LTBP2: variants seen among roughly 807,000 people sequenced by gnomAD.
The protein encoded by LTBP2 is latent-transforming growth factor beta-binding protein 2.
A neutral mutation model predicts 210.6 loss-of-function variants in LTBP2; 103 were observed. The ratio of observed to expected loss-of-function variants is 0.49; its 90% CI spans 0.42 to 0.58. The LOEUF (loss-of-function observed/expected upper bound fraction) is 0.58. Among genes scored for constraint, LTBP2 ranks in the 20% least tolerant of loss-of-function variants. The probability of loss-of-function intolerance (pLI) is 0.00; values close to 1 mark genes in which losing one functional copy is unlikely to be tolerated. For missense variants in LTBP2, 2,313 were observed against 2,494.5 expected (o/e 0.93, Z 1.55); for synonymous variants, 1,007 against 1,015.0 (o/e 0.99, Z 0.15).
rs952864788 is a variant in LTBP2, at chr14:74,603,778, T to G, written c.495-73A>C. 7.1e-6 allele frequency: 9 copies of G among 1,264,126 alleles called. No individual in the cohort carries two copies. In the South Asian group the frequency reaches 8.4e-5, roughly 12 times the overall value. The allele number at this position is 1,264,126 out of a possible 1,614,324, so 78.3% of individuals were successfully genotyped here. On this transcript the variant is annotated intron_variant, in intron 1 of 35. Transcript: ENST00000261978. The stretch of plus-strand genomic sequence containing the variant: ...GGACTATTCACAGCCCCTCCGACAG[T>G]CCCACCTTCTAGAGGCAGGGCCTGG...
intron 8 of LTBP2, among the ~76,000 whole-genome samples, chr14:74,548,635 T>C (rs568800141): frequency 1.3e-5 from 2 of 152,368 alleles, no homozygotes; most frequent in Non-Finnish European, 2.9e-5. Flanking sequence ...GGCAGTTTGA[T>C]GCACATCTCC....
chr14:74,590,000 C>A (rs2088259798), intron 2 of LTBP2, among the ~76,000 whole-genome samples: 1 of 152,174 alleles, frequency 6.6e-6, no homozygotes, highest in African/African-American at 2.4e-5. Context: ...GCCCATCCTT[C>A]ACATTAACAA....
Position 74,498,457 on chromosome 14 carries a change from A to C in LTBP2, c.*2427T>G, listed in dbSNP as rs2086874752. The C allele has an allele frequency of 4.7e-6, 1 of 212,562 alleles. No homozygotes were observed. The highest frequency in any genetic ancestry group is 9.5e-6 in the Non-Finnish European group (1 of 104,948). The allele number at this position is 212,562 out of a possible 1,614,324, so 13.2% of individuals were successfully genotyped here. A position where few individuals can be genotyped will look rare whatever the true frequency, so the allele number is the denominator to read the frequency against. The stretch of plus-strand genomic sequence containing the variant: ...TCTGTCAGTGAGGGACTGATTAAAT[A>C]AATTATGGTTTATCCATTCAATGGA... On this transcript the variant is annotated 3_prime_UTR_variant, in exon 36 of 36. Coordinates refer to ENST00000261978, the MANE Select transcript of LTBP2 (RefSeq NM_000428.3).
chr14:74,527,345 A>C lies in LTBP2; in HGVS notation c.2388+2T>G. 1 of 1,611,106 alleles carries C rather than the reference A, an allele frequency of 6.2e-7. No homozygotes were observed. Among genetic ancestry groups the C allele is most frequent in the South Asian group, 1.1e-5 (1 of 90,304 alleles). The stretch of plus-strand genomic sequence containing the variant: ...GGCCCCCTAGTGGGAGGACGCACTC[A>C]CCTGGCCAGCCTGAGAGTCACCTGG... On this transcript the variant is annotated splice_donor_variant, in intron 13 of 35. Transcript: ENST00000261978. LOFTEE classifies it high-confidence loss of function.
chr14:74,503,163 C>T, intron 33 of LTBP2, 56 bp downstream of exon 33: 1 of 1,601,632 alleles, frequency 6.2e-7, no homozygotes, highest in East Asian at 2.2e-5. Context: ...GTGAGGGCAT[C>T]CCCCTCCCTG....
chr14:74,528,401 G>A, intron 12 of LTBP2, 82 bp downstream of exon 12: 4 of 1,505,854 alleles, frequency 2.7e-6, no homozygotes, highest in Non-Finnish European at 3.7e-6. Context: ...CAGGGACCCA[G>A]GATTAACACC....
intron 8 of LTBP2, among the ~76,000 whole-genome samples, chr14:74,543,965 C>T (rs1311314261): frequency 2.0e-5 from 3 of 152,168 alleles, no homozygotes; most frequent in Non-Finnish European, 4.4e-5. Flanking sequence ...ACCTAGCCAC[C>T]CCTGCCCCAG....
At chr14:74,561,151 C>T (rs1448479587) in intron 3 of LTBP2, among the ~76,000 whole-genome samples, 1 of 152,100 alleles carries the variant, frequency 6.6e-6, no homozygotes, top group Admixed American at 6.5e-5. Flanking sequence ...AAACCTGTCT[C>T]TACTAAAAAT....
At chr14:74,531,377 C>G (rs1009294310) in intron 10 of LTBP2, among the ~76,000 whole-genome samples, 1 of 152,188 alleles carries the variant, frequency 6.6e-6, no homozygotes, top group African/African-American at 2.4e-5. Flanking sequence ...TCAAACACAC[C>G]TCTCTGGTAA....
chr14:74,563,552 C>A (rs1005363102), intron 3 of LTBP2, among the ~76,000 whole-genome samples: 4 of 152,114 alleles, frequency 2.6e-5, no homozygotes, highest in Non-Finnish European at 5.9e-5. Context: ...AGCACAACAG[C>A]CCAATCCCAC....
chr14:74,611,539 T>G lies in LTBP2; in HGVS notation c.406A>C (p.Thr136Pro), dbSNP rs76340420. The G allele has an allele frequency of 6.4e-7, 1 of 1,562,888 alleles. No individual in the cohort carries two copies. The highest frequency in any genetic ancestry group is 8.6e-7 in the Non-Finnish European group (1 of 1,162,398). The stretch of plus-strand genomic sequence containing the variant: ...CGTGGGAGAGCCGGCGCGGCCCGGG[T>G]CCGGGGTGCTGGTTGCTGCTGGCCC... ...PLGQQQPAPR[T>P]RAAPALPRLG... Residue 136 changes from threonine to proline, a missense_variant, in exon 1 of 36, where the codon ACC (threonine) becomes CCC (proline). By Grantham distance (38) the Thr-to-Pro change is conservative. Coordinates refer to ENST00000261978, the MANE Select transcript of LTBP2 (RefSeq NM_000428.3).
intron 2 of LTBP2, among the ~76,000 whole-genome samples, chr14:74,603,130 AT>A (rs558301209): frequency 1.2e-3 from 182 of 151,498 alleles, no homozygotes; most frequent in African/African-American, 4.0e-3. Flanking sequence ...AGCTGGAGGC[AT>A]TTTTTTTTCT....
Position 74,505,011 on chromosome 14 carries a change from G to A in LTBP2, c.4341C>T (p.Ala1447=). The A allele has an allele frequency of 6.2e-7, 1 of 1,614,218 alleles. No homozygotes were observed. The highest frequency in any genetic ancestry group is 1.1e-5 in the South Asian group (1 of 91,090). The change falls in exon 29 of 36, where the codon GCC becomes GCT. Residue 1447 remains alanine, a synonymous_variant. Coordinates refer to ENST00000261978, the MANE Select transcript of LTBP2 (RefSeq NM_000428.3). ...CCTQGASWGD[A]CDLCPSEDSA... The stretch of plus-strand genomic sequence containing the variant: ...AGTCCTCAGACGGGCAGAGGTCACA[G>A]GCATCTCCCCAGCTAGCGCCCTGGG...
chr14:74,522,278 C>T (rs560685759), intron 16 of LTBP2, among the ~76,000 whole-genome samples: 5 of 152,320 alleles, frequency 3.3e-5, no homozygotes, highest in South Asian at 2.1e-4. Flanking sequence ...ATCTGCCCCT[C>T]GACTCCTTCC....
chr14:74,604,179 A>C (rs1225219699), intron 1 of LTBP2, among the ~76,000 whole-genome samples: 1 of 151,240 alleles, frequency 6.6e-6, no homozygotes, highest in Non-Finnish European at 1.5e-5. Context: ...AAAAAAAAAA[A>C]AAAAACCACA....
rs755577547 is a variant in LTBP2, at chr14:74,525,109, T to C, written c.2530+15A>G. On this transcript the variant is annotated intron_variant, in intron 15 of 35. Coordinates refer to ENST00000261978, the MANE Select transcript of LTBP2 (RefSeq NM_000428.3). ...GGCAGGGTGCAGGGAGCCCCAAAGG[T>C]CTGGCTGCAGCTACCTGGGGTGCTC... The C allele has an allele frequency of 7.7e-7, 1 of 1,307,180 alleles. No individual in the cohort carries two copies. Among genetic ancestry groups the C allele is most frequent in the Non-Finnish European group, 9.9e-7 (1 of 1,011,776 alleles). 81.0% of individuals were successfully genotyped at this position (1,307,180 alleles called of 1,614,324 possible). A position where few individuals can be genotyped will look rare whatever the true frequency, so the allele number is the denominator to read the frequency against.
intron 3 of LTBP2, among the ~76,000 whole-genome samples, chr14:74,581,957 G>A (rs990506522): frequency 6.6e-5 from 10 of 151,578 alleles, no homozygotes; most frequent in African/African-American, 1.9e-4. Context: ...CCCACTCAGG[G>A]CTCAGCACTG....
intron 10 of LTBP2, 41 bp from the exon 11 acceptor site, chr14:74,529,163 T>G: frequency 1.3e-6 from 2 of 1,550,336 alleles, no homozygotes; most frequent in Non-Finnish European, 1.7e-6. Flanking sequence ...AGGTGGCCAG[T>G]GGGAGGGGAA....
At chr14:74,507,126 G>A in intron 26 of LTBP2, 53 bp downstream of exon 26, 1 of 1,613,510 alleles carries the variant, frequency 6.2e-7, no homozygotes. Flanking sequence ...CTCAATATGT[G>A]AAAAATAGGT....
Sources: allele counts gnomAD v4.1 joint callset (sites outside exome capture counted in the v4.1 genomes callset), GRCh38; gene constraint gnomAD v4.1.1; transcripts MANE v1.5; gene names NCBI Gene and HGNC (gene_info 2026-07-23, HGNC 2026-07-21).